The following SOAT1 variants were observed in gnomAD, a reference collection of about 807,000 sequenced individuals.
SOAT1 encodes sterol O-acyltransferase 1, also known as acyl-coenzyme A:cholesterol acyltransferase 1.
Under a neutral mutation model 69.5 loss-of-function variants are expected in SOAT1, and 55 were observed. That is an observed-to-expected ratio of 0.79 (90% CI 0.64 to 0.99). SOAT1 has a LOEUF of 0.99. SOAT1 is among the 50% of genes least tolerant of loss of function. SOAT1 has a pLI of 0.00. For synonymous variants in SOAT1, 231 were observed against 224.7 expected (o/e 1.03, Z -0.25); for missense variants, 580 against 669.3 (o/e 0.87, Z 1.47).
intron 2 of SOAT1, among the ~76,000 whole-genome samples, chr1:179,305,100 A>T (rs1176504594): frequency 9.0e-6 from 1 of 111,608 alleles, no homozygotes. Context: ...AAGGAGTCCC[A>T]TTCCTCTCCT....
chr1:179,333,867 A>AT (rs1284194541), intron 3 of SOAT1, among the ~76,000 whole-genome samples: 1 of 151,536 alleles, frequency 6.6e-6, no homozygotes, highest in Non-Finnish European at 1.5e-5. Context: ...GGAAGAACTC[A>AT]TTTTTTGTCA....
At chr1:179,323,148 G>A (rs1021554717) in intron 2 of SOAT1, among the ~76,000 whole-genome samples, 5 of 148,518 alleles carry the variant, frequency 3.4e-5, no homozygotes, top group Non-Finnish European at 7.4e-5. Context: ...GGTCTCAACT[G>A]TGGAATCTGT....
rs370382655 is a variant in SOAT1, at chr1:179,309,276, G to A, written c.118+6474G>A. ...TTTTTGTATTTTTAGTAGAGATGGG[G>A]TTTCACCATGTTGGTCAGGCTGGTC... On this transcript the variant is annotated intron_variant, in intron 2 of 15. Coordinates refer to ENST00000367619, the MANE Select transcript of SOAT1 (RefSeq NM_003101.6). 2.0e-4 allele frequency among the ~76,000 whole-genome samples: 31 copies of A among 152,236 alleles called. No homozygotes were observed. The South Asian group carries it at 6.0e-3, about 30-fold the overall frequency.
intron 1 of SOAT1, among the ~76,000 whole-genome samples, chr1:179,302,324 A>AG (rs1664858012): frequency 6.6e-6 from 1 of 152,264 alleles, no homozygotes; most frequent in South Asian, 2.1e-4. Flanking sequence ...GTCCCCACAC[A>AG]AATCTCATCT....
Position 179,300,056 on chromosome 1 carries a change from C to T in SOAT1, c.-8-2621C>T, listed in dbSNP as rs190151421. ...GATTACAGGCATGAGCCACCGCACC[C>T]GGCTTCATTTTGCTGTCTTTTATGC... On this transcript the variant is annotated intron_variant, in intron 1 of 15. Coordinates refer to ENST00000367619, the MANE Select transcript of SOAT1 (RefSeq NM_003101.6). Among the ~76,000 whole-genome samples the T allele has an allele frequency of 5.1e-4, 77 of 151,772 alleles. No individual in the cohort carries two copies. In the East Asian group the frequency reaches 8.5e-3, roughly 17 times the overall value.
In SOAT1 at chr1:179,341,198, A is replaced by G. The variant is rs1666325966; in HGVS notation, c.668A>G (p.His223Arg). 10 of 1,613,864 alleles carry G rather than the reference A, an allele frequency of 6.2e-6. No homozygotes were observed. Among genetic ancestry groups the G allele is most frequent in the Non-Finnish European group, 7.6e-6 (9 of 1,179,998 alleles). ...CATCCGCTGATCCGTTCTCTCTTCC[A>G]TGGCTTTCTTTTCATGATCTTCCAG... ...SSHPLIRSLF[H>R]GFLFMIFQIG... The change falls in exon 7 of 16, where the codon CAT (histidine) becomes CGT (arginine). Residue 223 changes from histidine (H) to arginine (R), a missense_variant. By Grantham distance (29) the His-to-Arg change is conservative. Coordinates refer to ENST00000367619, the MANE Select transcript of SOAT1 (RefSeq NM_003101.6).
At chr1:179,351,845 G>A (rs562876892) in intron 15 of SOAT1, among the ~76,000 whole-genome samples, 68 of 150,176 alleles carry the variant, frequency 4.5e-4, no homozygotes, top group Admixed American at 1.9e-3. Context: ...TCAGCCTCCC[G>A]AGTAGCTGGG....
chr1:179,341,074 C>T lies in SOAT1; in HGVS notation c.544C>T (p.Pro182Ser), dbSNP rs1230944302. ...CCTGTCTTATGCTTTTGGCAAATTT[C>T]CTACCGTTGTTTGGACCTGGTGGAT... The part of the protein sequence containing the change: ...SLLSYAFGKF[P>S]TVVWTWWIMF... Residue 182 changes from proline (P) to serine (S), a missense_variant, in exon 7 of 16, where the codon CCT (proline) becomes TCT (serine). Transcript: ENST00000367619. 2.5e-6 allele frequency: 4 copies of T among 1,613,992 alleles called. No individual in the cohort carries two copies. The African/African-American group carries it at 4.0e-5, about 16-fold the overall frequency.
intron 3 of SOAT1, 31 bp from the exon 4 acceptor site, chr1:179,335,475 C>T: frequency 6.3e-7 from 1 of 1,588,650 alleles, no homozygotes; most frequent in Non-Finnish European, 8.6e-7. Context: ...TGTATTAGTT[C>T]CCCATCTTTT....
chr1:179,300,378 T>G (rs538102350), intron 1 of SOAT1, among the ~76,000 whole-genome samples: 22 of 152,344 alleles, frequency 1.4e-4, no homozygotes, highest in Non-Finnish European at 2.6e-4. Context: ...TTACACAGAA[T>G]TGGACCATTG....
intron 2 of SOAT1, among the ~76,000 whole-genome samples, chr1:179,315,059 C>T (rs1028061408): frequency 6.6e-6 from 1 of 152,184 alleles, no homozygotes. Context: ...TCCGAAATTA[C>T]ATCACCCTCA....
chr1:179,348,760 A>ATGTG lies in SOAT1; in HGVS notation c.1216-32_1216-29dup, dbSNP rs71111912. The ATGTG allele has an allele frequency of 1.1e-3, 655 of 593,456 alleles. 2 individuals carry two copies. The highest frequency in any genetic ancestry group is 5.6e-3 in the African/African-American group (274 of 48,792). The allele number at this position is 593,456 out of a possible 1,614,324, so 36.8% of individuals were successfully genotyped here. On this transcript the variant is annotated intron_variant, in intron 12 of 15. Transcript: ENST00000367619. The stretch of plus-strand genomic sequence containing the variant: ...TCAGGGGGGTTTGCTTTCGGGTGGG[A>ATGTG]TGTGTGTGTGTGTGTGTGTGTGTGT...
chr1:179,329,330 ACT>A (rs1240321529), intron 3 of SOAT1, among the ~76,000 whole-genome samples: 4 of 151,014 alleles, frequency 2.6e-5, no homozygotes, highest in Non-Finnish European at 4.4e-5. Flanking sequence ...CAAGAGTGAA[ACT>A]CTGTCTCAAA....
At chr1:179,353,114 ATATATT>A (rs1303712741) in intron 15 of SOAT1, among the ~76,000 whole-genome samples, 1 of 126,888 alleles carries the variant, frequency 7.9e-6, no homozygotes, top group African/African-American at 2.9e-5. Flanking sequence ...TATATATAAT[ATATATT>A]TATATTTATA....
At chr1:179,348,456 ACT>A (rs757716364) in intron 12 of SOAT1, among the ~76,000 whole-genome samples, 2 of 151,816 alleles carry the variant, frequency 1.3e-5, no homozygotes, top group African/African-American at 2.4e-5. Flanking sequence ...TAGTGTTAGC[ACT>A]CTCTCTGGTC....
chr1:179,342,905 A>C lies in SOAT1; in HGVS notation c.903A>C (p.Leu301Phe). The C allele has an allele frequency of 6.2e-7, 1 of 1,613,756 alleles. No individual in the cohort carries two copies. Among genetic ancestry groups the C allele is most frequent in the Non-Finnish European group, 8.5e-7 (1 of 1,179,770 alleles). Reference sequence around the variant, plus strand: ...CAGTCAACCAGTATTTGTACTTCTTATTTGCTCCTACCCTTATCTACCGTG... The same window carrying C: ...CAGTCAACCAGTATTTGTACTTCTTCTTTGCTCCTACCCTTATCTACCGTG... ...IPTVNQYLYFLFAPTLIYRDS... is the reference protein window; with the variant it reads ...IPTVNQYLYFFFAPTLIYRDS... Residue 301 changes from leucine to phenylalanine, a missense_variant, in exon 9 of 16, where the codon TTA becomes TTC. Transcript: ENST00000367619.
intron 2 of SOAT1, among the ~76,000 whole-genome samples, chr1:179,320,033 G>C (rs1362984056): frequency 2.0e-5 from 3 of 151,832 alleles, no homozygotes; most frequent in Admixed American, 6.6e-5. Context: ...TTACTTTCTT[G>C]ATGGTGTTCT....
chr1:179,297,797 C>T (rs1156765189), intron 1 of SOAT1, among the ~76,000 whole-genome samples: 6 of 150,210 alleles, frequency 4.0e-5, no homozygotes, highest in African/African-American at 1.5e-4. Context: ...TTTGGGAGGC[C>T]GAGGCAGGCG....
chr1:179,310,636 A>T (rs180867676), intron 2 of SOAT1, among the ~76,000 whole-genome samples: 1 of 152,340 alleles, frequency 6.6e-6, no homozygotes, highest in East Asian at 1.9e-4. Flanking sequence ...TAACCATACT[A>T]TGGACATAAA....
Sources: gnomAD v4.1 joint callset for allele counts (sites outside exome capture counted in the v4.1 genomes callset) on GRCh38, gnomAD v4.1.1 for gene constraint, MANE v1.5 for transcripts, NCBI Gene and HGNC (gene_info 2026-07-23, HGNC 2026-07-21) for gene names.